Variants in NYAP2 observed in about 807,000 individuals in gnomAD.
The protein encoded by NYAP2 is neuronal tyrosine-phosphorylated phosphoinositide-3-kinase adaptor 2.
NYAP2 carries 23 observed loss-of-function variants against 50.4 expected under a neutral mutation model. That is an observed-to-expected ratio of 0.46 (90% confidence interval 0.33 to 0.65). NYAP2 has a LOEUF of 0.65. Among genes scored for constraint, NYAP2 ranks in the 30% least tolerant of loss-of-function variants. The pLI, the probability that NYAP2 is intolerant of heterozygous loss-of-function variation, is 0.02. For synonymous variants in NYAP2, 394 were observed against 365.2 expected, an observed-to-expected ratio of 1.08 and a Z score of -0.90; for missense variants, 885 against 861.0, an observed-to-expected ratio of 1.03 and a Z score of -0.35.
downstream of NYAP2, among the ~76,000 whole-genome samples, chr2:225,655,501 G>A (rs999095982): frequency 1.3e-5 from 2 of 152,124 alleles, no homozygotes; most frequent in African/African-American, 4.8e-5. Flanking sequence ...AAACTGCACA[G>A]GAGTCATGTA....
At chr2:225,482,259 A>G (rs1470012904) in intron 3 of NYAP2, among the ~76,000 whole-genome samples, 2 of 152,116 alleles carry the variant, frequency 1.3e-5, no homozygotes, top group East Asian at 3.8e-4. Flanking sequence ...GCACATAAAA[A>G]TGTGGGGCCA....
chr2:225,442,954 A>G (rs1689493851), intron 3 of NYAP2, among the ~76,000 whole-genome samples: 1 of 152,200 alleles, frequency 6.6e-6, no homozygotes, highest in Non-Finnish European at 1.5e-5. Flanking sequence ...TGAAGGAGGA[A>G]CAAAGGCACA....
intron 2 of NYAP2, among the ~76,000 whole-genome samples, chr2:225,404,314 A>G (rs1694905471): frequency 6.6e-6 from 1 of 151,956 alleles, no homozygotes; most frequent in South Asian, 2.1e-4. Flanking sequence ...AACTATAGAA[A>G]AAGAAAAAAC....
chr2:225,677,572 G>A, the NYAP2 span, among the ~76,000 whole-genome samples: 2 of 152,054 alleles, frequency 1.3e-5, no homozygotes, highest in East Asian at 3.9e-4. Context: ...TTATTATTTT[G>A]AAGTATGTTC....
At chr2:225,643,778 AT>A (rs1444729948) in intron 6 of NYAP2, among the ~76,000 whole-genome samples, 1 of 151,730 alleles carries the variant, frequency 6.6e-6, no homozygotes, top group African/African-American at 2.4e-5. Flanking sequence ...AGAACTCATC[AT>A]TTTTTATGGC....
the NYAP2 span, among the ~76,000 whole-genome samples, chr2:225,694,714 T>C: frequency 6.6e-6 from 1 of 151,872 alleles, no homozygotes; most frequent in African/African-American, 2.4e-5. Flanking sequence ...AGATATAAAA[T>C]AAGAAGATTA....
At chr2:225,414,392 T>C (rs1695091179) in intron 3 of NYAP2, among the ~76,000 whole-genome samples, 1 of 152,148 alleles carries the variant, frequency 6.6e-6, no homozygotes, top group Non-Finnish European at 1.5e-5. Context: ...ATCCTAATGG[T>C]TTTGTGCAGG....
intron 5 of NYAP2, among the ~76,000 whole-genome samples, chr2:225,625,876 G>A (rs1693201173): frequency 6.6e-6 from 1 of 152,152 alleles, no homozygotes; most frequent in South Asian, 2.1e-4. Context: ...ATACTTTGAG[G>A]AGTCAAGGAT....
chr2:225,471,050 G>A (rs1690006048), intron 3 of NYAP2, among the ~76,000 whole-genome samples: 1 of 152,160 alleles, frequency 6.6e-6, no homozygotes, highest in Non-Finnish European at 1.5e-5. Context: ...ATATGTTAAA[G>A]TAAAATTGAA....
intron 3 of NYAP2, among the ~76,000 whole-genome samples, chr2:225,460,876 C>T (rs1689817387): frequency 6.6e-6 from 1 of 151,506 alleles, no homozygotes; most frequent in Non-Finnish European, 1.5e-5. Flanking sequence ...ACCTGTAGGC[C>T]CAGCTACTCG....
At chr2:225,632,079 C>T (rs1425630842) in intron 6 of NYAP2, among the ~76,000 whole-genome samples, 2 of 152,192 alleles carry the variant, frequency 1.3e-5, no homozygotes, top group Non-Finnish European at 2.9e-5. Flanking sequence ...AAGCGGCCTC[C>T]TGAAGTGCTG....
At chr2:225,655,275 T>C (rs1693804577), downstream of NYAP2, among the ~76,000 whole-genome samples, 1 of 152,222 alleles carries the variant, frequency 6.6e-6, no homozygotes, top group African/African-American at 2.4e-5. Context: ...CATATTATTC[T>C]CTGACACTCA....
At chr2:225,446,619 T>A (rs956879294) in intron 3 of NYAP2, among the ~76,000 whole-genome samples, 1 of 152,082 alleles carries the variant, frequency 6.6e-6, no homozygotes, top group Non-Finnish European at 1.5e-5. Context: ...CCCCATACTG[T>A]GGCACCTACA....
intron 3 of NYAP2, among the ~76,000 whole-genome samples, chr2:225,444,315 A>G (rs1689517966): frequency 6.6e-6 from 1 of 152,200 alleles, no homozygotes; most frequent in Non-Finnish European, 1.5e-5. Context: ...ACTGATGACC[A>G]CACTCACCCT....
At chr2:225,678,365 A>C in the NYAP2 span, among the ~76,000 whole-genome samples, 1 of 152,036 alleles carries the variant, frequency 6.6e-6, no homozygotes, top group Non-Finnish European at 1.5e-5. Flanking sequence ...TGAAGAACTA[A>C]CTTTGTTTCA....
chr2:225,453,253 G>A (rs1243916226), intron 3 of NYAP2, among the ~76,000 whole-genome samples: 1 of 152,068 alleles, frequency 6.6e-6, no homozygotes, highest in Admixed American at 6.6e-5. Context: ...AAATAAACAG[G>A]GAAACATATT....
At chr2:225,558,998 G>T (rs1017091876) in intron 4 of NYAP2, among the ~76,000 whole-genome samples, 43 of 151,992 alleles carry the variant, frequency 2.8e-4, no homozygotes, top group African/African-American at 1.0e-3. Context: ...GTCACTCCTT[G>T]AGGATATTTT....
chr2:225,433,082 C>T (rs73082835), intron 3 of NYAP2, among the ~76,000 whole-genome samples: 1,743 of 151,970 alleles, frequency 0.011, 37 homozygotes, highest in African/African-American at 0.04. Flanking sequence ...ATTATTGGTT[C>T]GAAAATACTT....
intron 4 of NYAP2, among the ~76,000 whole-genome samples, chr2:225,530,532 C>T (rs1030446811): frequency 6.6e-6 from 1 of 152,194 alleles, no homozygotes; most frequent in Non-Finnish European, 1.5e-5. Flanking sequence ...GCCTAACCCT[C>T]TACTAATTTT....
Sources: gnomAD v4.1 joint callset for allele counts (sites outside exome capture counted in the v4.1 genomes callset) on GRCh38, gnomAD v4.1.1 for gene constraint, MANE v1.5 for transcripts, NCBI Gene and HGNC (gene_info 2026-07-23, HGNC 2026-07-21) for gene names.